ITPK1: variants seen among roughly 807,000 people sequenced by gnomAD.
The protein encoded by ITPK1 is inositol 1,3,4-trisphosphate 5/6-kinase.
Under a neutral mutation model 45.3 loss-of-function variants are expected in ITPK1, and 21 were observed. The ratio of observed to expected loss-of-function variants is 0.46; its 90% CI spans 0.33 to 0.67. The LOEUF is 0.67. Among genes scored for constraint, ITPK1 ranks in the 30% least tolerant of loss-of-function variants. The pLI, the probability that ITPK1 is intolerant of heterozygous loss-of-function variation, is 0.02. For synonymous variants in ITPK1, 258 were observed against 253.6 expected, an observed-to-expected ratio of 1.02 and a Z score of -0.16; for missense variants, 474 against 573.5, an observed-to-expected ratio of 0.83 and a Z score of 1.77.
At chr14:92,996,019 A>T (rs1244255068) in intron 4 of ITPK1, among the ~76,000 whole-genome samples, 1 of 152,204 alleles carries the variant, frequency 6.6e-6, no homozygotes, top group African/African-American at 2.4e-5. Context: ...CCATGCTTCC[A>T]AGAGAGCAGG....
At chr14:93,050,149 A>G (rs570380937) in intron 3 of ITPK1, among the ~76,000 whole-genome samples, 1 of 152,194 alleles carries the variant, frequency 6.6e-6, no homozygotes, top group Non-Finnish European at 1.5e-5. Context: ...CCATCTGGCC[A>G]GTTGGAGAAA....
Position 92,939,623 on chromosome 14 carries a change from GCCA to G in ITPK1, c.*1935_*1937del, listed in dbSNP as rs1887255900. On this transcript the variant is annotated 3_prime_UTR_variant, in exon 11 of 11. Transcript: ENST00000267615. ...CGCCCCACCACGGAGGCCTATGGAC[GCCA>G]CCACGACACCACATGGCAGTTACTC... The G allele has an allele frequency of 8.6e-6, 8 of 924,948 alleles. No individual in the cohort carries two copies. Among genetic ancestry groups the G allele is most frequent in the South Asian group, 1.0e-4 (2 of 20,086 alleles). 57.3% of individuals were successfully genotyped at this position (924,948 alleles called of 1,614,324 possible). A position where few individuals can be genotyped will look rare whatever the true frequency, so the allele number is the denominator to read the frequency against.
intron 2 of ITPK1, among the ~76,000 whole-genome samples, chr14:93,078,039 G>A (rs1040871238): frequency 3.9e-5 from 6 of 152,076 alleles, no homozygotes; most frequent in South Asian, 2.1e-4. Flanking sequence ...ATGTGTGCCC[G>A]TGCCCAATTA....
chr14:93,106,200 C>T (rs761466699), intron 2 of ITPK1, among the ~76,000 whole-genome samples: 13 of 147,366 alleles, frequency 8.8e-5, no homozygotes, highest in East Asian at 1.9e-4. Flanking sequence ...CAGCCCAGAG[C>T]GGCTCATTTC....
intron 3 of ITPK1, among the ~76,000 whole-genome samples, chr14:93,022,959 G>A (rs1363430272): frequency 1.3e-5 from 2 of 152,240 alleles, no homozygotes; most frequent in Non-Finnish European, 1.5e-5. Context: ...AACATTTACT[G>A]TGGAAAAGGC....
At chr14:92,999,288 A>T (rs1467533348) in intron 4 of ITPK1, among the ~76,000 whole-genome samples, 1 of 152,226 alleles carries the variant, frequency 6.6e-6, no homozygotes, top group Non-Finnish European at 1.5e-5. Context: ...CAGCACAGAG[A>T]GGGTGGCAGG....
In ITPK1 at chr14:93,098,456, C is replaced by CA. The variant is rs35436506; in HGVS notation, c.95+16612dup. Among the ~76,000 whole-genome samples, 861 of 141,102 alleles carry CA rather than the reference C, an allele frequency of 6.1e-3. 8 individuals are homozygous for CA. Among genetic ancestry groups the CA allele is most frequent in the African/African-American group, 0.015 (612 of 39,514 alleles). 92.6% of individuals were successfully genotyped at this position (141,102 alleles called of 152,430 possible). On this transcript the variant is annotated intron_variant, in intron 2 of 10. Transcript: ENST00000267615. ...TGGGCGACAGAGCGAGATTCCGTCT[C>CA]AAAAAAAAAAAACACACAAAAATTA...
chr14:93,075,071 ATCC>A (rs1891160251), intron 3 of ITPK1, among the ~76,000 whole-genome samples: 1 of 152,126 alleles, frequency 6.6e-6, no homozygotes, highest in Non-Finnish European at 1.5e-5. Flanking sequence ...CACACCTGTA[ATCC>A]CAGCACTTTT....
intron 3 of ITPK1, among the ~76,000 whole-genome samples, chr14:93,060,091 T>C (rs1290036859): frequency 6.6e-6 from 1 of 151,974 alleles, no homozygotes; most frequent in Admixed American, 6.5e-5. Context: ...TTTAGTCCCC[T>C]CTCTCTCCCT....
exon 1 of ITPK1, chr14:93,115,922 AAGCGGCGGGGCGGCCGCC>A (rs1208915207): frequency 6.9e-6 from 1 of 145,154 alleles, no homozygotes; most frequent in Non-Finnish European, 1.5e-5. Context: ...GGCGGCGAGG[AAGCGGCGGGGCGGCCGCC>A]AGGGGGCAGC....
intron 9 of ITPK1, among the ~76,000 whole-genome samples, chr14:92,948,407 G>A (rs1289873244): frequency 2.6e-5 from 4 of 152,210 alleles, no homozygotes; most frequent in Non-Finnish European, 5.9e-5. Context: ...AGGCTGGAGT[G>A]TAGTGGTGCA....
chr14:93,024,730 C>T (rs959919170), intron 3 of ITPK1, among the ~76,000 whole-genome samples: 9 of 152,166 alleles, frequency 5.9e-5, no homozygotes, highest in African/African-American at 1.4e-4. Flanking sequence ...AGGCCACTGT[C>T]ACCATTTTAC....
In ITPK1 at chr14:93,115,890, C is replaced by T. The variant is rs868751608; in HGVS notation, c.-261G>A. The T allele has an allele frequency of 4.8e-5, 7 of 146,248 alleles. No individual in the cohort carries two copies. In the South Asian group the frequency reaches 9.9e-4, roughly 21 times the overall value. The allele number at this position is 146,248 out of a possible 1,614,324, so 9.1% of individuals were successfully genotyped here. A position where few individuals can be genotyped will look rare whatever the true frequency, so the allele number is the denominator to read the frequency against. On this transcript the variant is annotated 5_prime_UTR_variant, in exon 1 of 11. Transcript: ENST00000267615. ...TGCCCGCCGCCGCCCCGCGCTGGCC[C>T]GGCCGCCCCGCTTGAGCCCGCGGCG...
At chr14:93,050,033 A>C (rs1889939196) in intron 3 of ITPK1, among the ~76,000 whole-genome samples, 1 of 151,896 alleles carries the variant, frequency 6.6e-6, no homozygotes, top group Non-Finnish European at 1.5e-5. Flanking sequence ...GGGAAGTGCA[A>C]CTCCTGCTCA....
intron 4 of ITPK1, among the ~76,000 whole-genome samples, chr14:93,000,444 T>C (rs1887279596): frequency 6.6e-6 from 1 of 152,222 alleles, no homozygotes; most frequent in South Asian, 2.1e-4. Context: ...GCAAAACGTC[T>C]CTGTTTTTAT....
At chr14:92,968,387 G>GA (rs1168577986) in intron 5 of ITPK1, among the ~76,000 whole-genome samples, 3 of 151,996 alleles carry the variant, frequency 2.0e-5, no homozygotes, top group South Asian at 2.1e-4. Flanking sequence ...ACATTAAGGG[G>GA]AAAAAAAACC....
intron 9 of ITPK1, among the ~76,000 whole-genome samples, chr14:92,951,267 C>G (rs889037054): frequency 3.9e-5 from 6 of 152,226 alleles, no homozygotes; most frequent in African/African-American, 1.4e-4. Flanking sequence ...GTCAGGTGCT[C>G]AGGAATCACT....
At position 92,948,792 on chromosome 14, in the gene ITPK1, G is replaced by A. The variant is rs374238717; in HGVS notation, c.739-2299C>T. Among the ~76,000 whole-genome samples the A allele has an allele frequency of 2.2e-4, 30 of 136,758 alleles. No homozygotes were observed. The East Asian group carries it at 3.7e-3, about 17-fold the overall frequency. 89.7% of individuals were successfully genotyped at this position (136,758 alleles called of 152,430 possible). On this transcript the variant is annotated intron_variant, in intron 9 of 10. Transcript: ENST00000267615. ...AAGCGCTGAGCAGGGACCCACGCCC[G>A]GGCGCCGCCCACGCTCCGAGGGACC...
chr14:93,092,977 T>C (rs1891924209), intron 2 of ITPK1, among the ~76,000 whole-genome samples: 1 of 152,152 alleles, frequency 6.6e-6, no homozygotes, highest in South Asian at 2.1e-4. Flanking sequence ...TAATAGTCTT[T>C]CCCTAGAGGA....
Sources: gnomAD v4.1 joint callset for allele counts (sites outside exome capture counted in the v4.1 genomes callset) on GRCh38, gnomAD v4.1.1 for gene constraint, MANE v1.5 for transcripts, NCBI Gene and HGNC (gene_info 2026-07-23, HGNC 2026-07-21) for gene names.